Variants in NFATC1 observed in about 807,000 individuals in gnomAD.
NFATC1 encodes the protein nuclear factor of activated T-cells, cytoplasmic 1.
A neutral mutation model predicts 76.0 loss-of-function variants in NFATC1; 22 were observed. That is an observed-to-expected ratio of 0.29 (90% confidence interval 0.21 to 0.41). The LOEUF (loss-of-function observed/expected upper bound fraction) is 0.41. Ranked by LOEUF, NFATC1 falls within the 10% of genes least tolerant of loss-of-function variation. NFATC1 has a pLI of 1.00. For missense variants in NFATC1, 1,357 were observed against 1,337.7 expected (o/e 1.01, Z -0.23); for synonymous variants, 704 against 613.1 (o/e 1.15, Z -2.19).
intron 7 of NFATC1, among the ~76,000 whole-genome samples, chr18:79,461,752 T>G (rs546685850): frequency 1.3e-5 from 2 of 151,852 alleles, no homozygotes; most frequent in Non-Finnish European, 2.9e-5. Context: ...CTCCTGGGAG[T>G]CAGTGCTGTG....
chr18:79,442,184 G>A (rs1312125850), intron 3 of NFATC1, among the ~76,000 whole-genome samples: 2 of 152,344 alleles, frequency 1.3e-5, no homozygotes, highest in South Asian at 2.1e-4. Flanking sequence ...AGTTCTCCAC[G>A]GCAAGCACGG....
chr18:79,489,868 C>T (rs556503869), intron 9 of NFATC1, among the ~76,000 whole-genome samples: 2 of 152,340 alleles, frequency 1.3e-5, no homozygotes, highest in South Asian at 2.1e-4. Context: ...CACAAGCTTT[C>T]GGGGTTAGCG....
chr18:79,434,242 A>T (rs1231636791), intron 3 of NFATC1, among the ~76,000 whole-genome samples: 1 of 152,144 alleles, frequency 6.6e-6, no homozygotes, highest in Non-Finnish European at 1.5e-5. Flanking sequence ...TGGCAGCCAC[A>T]TCCCTGCCGG....
chr18:79,482,543 G>T (rs1269733975), intron 8 of NFATC1, among the ~76,000 whole-genome samples: 1 of 144,808 alleles, frequency 6.9e-6, no homozygotes, highest in East Asian at 2.1e-4. Flanking sequence ...TGTCACTCCA[G>T]CGTGACCTGG....
chr18:79,500,552 A>G (rs1012204490), intron 9 of NFATC1, among the ~76,000 whole-genome samples: 4 of 152,146 alleles, frequency 2.6e-5, no homozygotes, highest in Non-Finnish European at 5.9e-5. Flanking sequence ...AGAAAAAGCA[A>G]TGAAATAGAA....
At chr18:79,467,791 T>C (rs1238592044) in intron 8 of NFATC1, 6 of 158,480 alleles carry the variant, frequency 3.8e-5, no homozygotes, top group African/African-American at 2.1e-4. Context: ...CTGTTGGGGG[T>C]GGGGGGCGGG....
At position 79,486,704 on chromosome 18, in the gene NFATC1, C is replaced by T. The variant is rs1340833545; in HGVS notation, c.2549C>T (p.Pro850Leu). The change falls in exon 9 of 10, where the codon CCA (proline) becomes CTA (leucine). Residue 850 changes from proline (P) to leucine (L), a missense_variant. Physicochemically the swap from Pro to Leu is moderately conservative, Grantham distance 98 (BLOSUM62 -3). Around this residue, in one of 3 missense-constraint regions of NFATC1, gnomAD observed 424 missense variants for 395.4 expected, o/e 1.07. Coordinates refer to ENST00000427363, the MANE Select transcript of NFATC1 (RefSeq NM_001278669.2). ...CTCTGCCCCAGCAGCCCCTCTCCTCCACTCCCGCCTGCCACCCAAGAGCCG... is the reference window on the plus strand; with the variant it reads ...CTCTGCCCCAGCAGCCCCTCTCCTCTACTCCCGCCTGCCACCCAAGAGCCG... ...HSLCPSSPSPPLPPATQEPTC... is the reference protein window; with the variant it reads ...HSLCPSSPSPLLPPATQEPTC... 4 of 1,598,320 alleles carry T rather than the reference C, an allele frequency of 2.5e-6. No individual in the cohort carries two copies. The highest frequency in any genetic ancestry group is 1.1e-5 in the South Asian group (1 of 89,774).
At chr18:79,495,078 GC>G (rs1569030857) in intron 9 of NFATC1, among the ~76,000 whole-genome samples, 1 of 152,262 alleles carries the variant, frequency 6.6e-6, no homozygotes, top group African/African-American at 2.4e-5. Context: ...GGAAATGGGG[GC>G]AAGGATGGCA....
intron 9 of NFATC1, among the ~76,000 whole-genome samples, chr18:79,519,134 C>T (rs190261237): frequency 4.6e-5 from 7 of 152,276 alleles, no homozygotes; most frequent in Admixed American, 1.3e-4. Flanking sequence ...TCAGAGCCTC[C>T]GGCGGCTGGC....
intron 6 of NFATC1, among the ~76,000 whole-genome samples, chr18:79,452,555 A>C (rs2087520833): frequency 6.6e-6 from 1 of 152,184 alleles, no homozygotes; most frequent in African/African-American, 2.4e-5. Context: ...GCCGGGCCCC[A>C]GCACTCTCAT....
At chr18:79,401,775 C>T (rs562169103) in intron 1 of NFATC1, among the ~76,000 whole-genome samples, 4 of 152,300 alleles carry the variant, frequency 2.6e-5, no homozygotes, top group Non-Finnish European at 4.4e-5. Context: ...GTGCAGTCAT[C>T]GGGGGTCGGG....
chr18:79,447,613 G>A (rs141493714), intron 3 of NFATC1, among the ~76,000 whole-genome samples: 4,005 of 152,276 alleles, frequency 0.026, 93 homozygotes, highest in Admixed American at 0.064. Flanking sequence ...GCCCCACTTG[G>A]GGGATGCAGA....
chr18:79,502,242 T>C (rs1307614240), intron 9 of NFATC1, among the ~76,000 whole-genome samples: 1 of 152,212 alleles, frequency 6.6e-6, no homozygotes, highest in African/African-American at 2.4e-5. Flanking sequence ...ACAAAGCCCA[T>C]TTAATTGGAG....
At position 79,411,104 on chromosome 18, in the gene NFATC1, T is replaced by C; in HGVS notation, c.829T>C (p.Tyr277His). 2.5e-6 allele frequency: 4 copies of C among 1,612,036 alleles called. No individual in the cohort carries two copies. In the African/African-American group the frequency reaches 5.3e-5, roughly 22 times the overall value. The change falls in exon 2 of 10, where the codon TAC (tyrosine) becomes CAC (histidine). Residue 277 changes from tyrosine to histidine, a missense_variant. By Grantham distance (83) the Tyr-to-His change is moderately conservative (BLOSUM62 2). Transcript: ENST00000427363. ...CAGCCTCAACGGCCGGCAGCCGCCCTACTCACCCCACCACTCGCCCACGCC... is the reference window on the plus strand; with the variant it reads ...CAGCCTCAACGGCCGGCAGCCGCCCCACTCACCCCACCACTCGCCCACGCC... ...KYSLNGRQPP[Y>H]SPHHSPTPSP...
rs2089363854 is a variant in NFATC1, at chr18:79,483,239, T to TCACTCCAGCGTGACCTGGTCCTGGGGC, written c.2093-3009_2093-3008insCACTCCAGCGTGACCTGGTCCTGGGGC. Reference sequence around the variant, plus strand: ...ATTCCAGCGTGACCTGGTCCTGGGGTGTCACTCCAGCGTGACCTGGTCCTG... The same window carrying TCACTCCAGCGTGACCTGGTCCTGGGGC: ...ATTCCAGCGTGACCTGGTCCTGGGGTCACTCCAGCGTGACCTGGTCCTGGGGCGTCACTCCAGCGTGACCTGGTCCTG... On this transcript the variant is annotated intron_variant, in intron 8 of 9. Transcript: ENST00000427363. 4.0e-5 allele frequency among the ~76,000 whole-genome samples: 4 copies of TCACTCCAGCGTGACCTGGTCCTGGGGC among 99,972 alleles called. 1 individual carries two copies. Among genetic ancestry groups the TCACTCCAGCGTGACCTGGTCCTGGGGC allele is most frequent in the Non-Finnish European group, 5.8e-5 (3 of 52,114 alleles). 65.6% of individuals were successfully genotyped at this position (99,972 alleles called of 152,430 possible).
chr18:79,474,727 C>T (rs1424476299), intron 8 of NFATC1, among the ~76,000 whole-genome samples: 1 of 149,832 alleles, frequency 6.7e-6, no homozygotes, highest in African/African-American at 2.5e-5. Flanking sequence ...CTCACGCTCA[C>T]TGTCGACATT....
At chr18:79,503,533 G>A (rs2090056502) in intron 9 of NFATC1, among the ~76,000 whole-genome samples, 1 of 152,200 alleles carries the variant, frequency 6.6e-6, no homozygotes, top group African/African-American at 2.4e-5. Flanking sequence ...GTGAACAGAG[G>A]TGCCGTCATC....
At chr18:79,437,171 C>T (rs1415259918) in intron 3 of NFATC1, among the ~76,000 whole-genome samples, 1 of 152,198 alleles carries the variant, frequency 6.6e-6, no homozygotes, top group Non-Finnish European at 1.5e-5. Context: ...GGTGCGCCCC[C>T]TCTGCAGGGT....
At chr18:79,526,321 A>G (rs2145250702) in intron 9 of NFATC1, among the ~76,000 whole-genome samples, 1 of 152,364 alleles carries the variant, frequency 6.6e-6, no homozygotes, top group Non-Finnish European at 1.5e-5. Context: ...AGCCCTCTGC[A>G]GAGAGCCTGG....
Sources: allele counts gnomAD v4.1 joint callset (sites outside exome capture counted in the v4.1 genomes callset), GRCh38; gene constraint gnomAD v4.1.1; regional missense constraint gnomAD v4.1.1; transcripts MANE v1.5; gene names NCBI Gene and HGNC (gene_info 2026-07-23, HGNC 2026-07-21).